Variants in CLIC4 observed in about 807,000 individuals in gnomAD.
The protein encoded by CLIC4 is chloride intracellular channel protein 4.
A neutral mutation model predicts 24.6 loss-of-function variants in CLIC4; 13 were observed. That is an observed-to-expected ratio of 0.53 (90% confidence interval 0.34 to 0.84). The LOEUF (loss-of-function observed/expected upper bound fraction) is 0.84. Among genes scored for constraint, CLIC4 ranks in the 40% least tolerant of loss-of-function variants. CLIC4 has a pLI of 0.01. For missense variants in CLIC4, 227 were observed against 301.7 expected (o/e 0.75, Z 1.83); for synonymous variants, 104 against 111.3 (o/e 0.93, Z 0.41).
chr1:24,766,483 T>G (rs868313965), intron 1 of CLIC4, among the ~76,000 whole-genome samples: 5 of 14,608 alleles, frequency 3.4e-4, no homozygotes, highest in African/African-American at 1.1e-3. Flanking sequence ...GTTTTTTTTT[T>G]TTTTTTTTTT....
intron 1 of CLIC4, among the ~76,000 whole-genome samples, chr1:24,763,726 A>G (rs1472932757): frequency 6.6e-6 from 1 of 151,800 alleles, no homozygotes; most frequent in Non-Finnish European, 1.5e-5. Context: ...AACCTTTCCC[A>G]TCTCTTCCAT....
intron 3 of CLIC4, among the ~76,000 whole-genome samples, chr1:24,816,234 GTTTTTTTT>G (rs71752506): frequency 1.4e-4 from 9 of 62,150 alleles, no homozygotes; most frequent in Admixed American, 1.2e-3. Flanking sequence ...GAATGTTCGT[GTTTTTTTT>G]TTTTTTTTTT....
At chr1:24,835,405 A>G (rs555305017) in intron 4 of CLIC4, among the ~76,000 whole-genome samples, 105 of 152,282 alleles carry the variant, frequency 6.9e-4, no homozygotes, top group African/African-American at 2.4e-3. Context: ...TCTACTAAAA[A>G]TACAAAAATC....
intron 1 of CLIC4, among the ~76,000 whole-genome samples, chr1:24,783,343 A>T (rs1030043733): frequency 4.6e-5 from 7 of 152,168 alleles, no homozygotes; most frequent in African/African-American, 1.7e-4. Flanking sequence ...CTGGTCCCTA[A>T]CATCACAACA....
chr1:24,767,273 T>C (rs1639013386), intron 1 of CLIC4, among the ~76,000 whole-genome samples: 1 of 152,134 alleles, frequency 6.6e-6, no homozygotes, highest in East Asian at 1.9e-4. Flanking sequence ...ACTGGGGTAA[T>C]CTTGGGCTTT....
At chr1:24,785,385 T>C (rs935002165) in intron 1 of CLIC4, among the ~76,000 whole-genome samples, 3 of 152,196 alleles carry the variant, frequency 2.0e-5, no homozygotes, top group East Asian at 3.8e-4. Flanking sequence ...GTTTCACAGA[T>C]GTTAAGTAAC....
intron 4 of CLIC4, among the ~76,000 whole-genome samples, chr1:24,827,892 G>A (rs1381388114): frequency 6.6e-6 from 1 of 152,170 alleles, no homozygotes; most frequent in African/African-American, 2.4e-5. Context: ...GGGATGTTAA[G>A]CAGAGTTCTC....
At chr1:24,776,924 C>T (rs1206852591) in intron 1 of CLIC4, among the ~76,000 whole-genome samples, 1 of 152,088 alleles carries the variant, frequency 6.6e-6, no homozygotes, top group South Asian at 2.1e-4. Flanking sequence ...AAAAAAAACC[C>T]GAAAATGCTG....
At chr1:24,835,380 T>C (rs893252725) in intron 4 of CLIC4, among the ~76,000 whole-genome samples, 5 of 152,126 alleles carry the variant, frequency 3.3e-5, no homozygotes, top group African/African-American at 1.2e-4. Flanking sequence ...CTGACCAACA[T>C]GGCATAACCC....
At chr1:24,804,433 G>A (rs142369230) in intron 2 of CLIC4, among the ~76,000 whole-genome samples, 2,022 of 120,014 alleles carry the variant, frequency 0.017, 31 homozygotes, top group Non-Finnish European at 0.024. Context: ...GGGTGGTGGG[G>A]GTGTGTGTGT....
chr1:24,840,924 G>C lies in CLIC4; in HGVS notation c.749G>C (p.Arg250Thr). 1 of 1,585,710 alleles carries C rather than the reference G, an allele frequency of 6.3e-7. No homozygotes were observed. Among genetic ancestry groups the C allele is most frequent in the Non-Finnish European group, 8.6e-7 (1 of 1,169,160 alleles). The change falls in exon 6 of 6, where the codon AGA (arginine) becomes ACA (threonine). Residue 250 changes from arginine to threonine, a missense_variant. Transcript: ENST00000374379. ...ATAGCATATAGTGATGTAGCCAAAA[G>C]ACTCACCAAGTAAAATCGCGTTTGT... ...VEIAYSDVAK[R>T]LTK
chr1:24,782,425 C>T (rs1021207697), intron 1 of CLIC4, among the ~76,000 whole-genome samples: 3 of 151,936 alleles, frequency 2.0e-5, no homozygotes, highest in Admixed American at 6.6e-5. Context: ...ATAGGTAATG[C>T]AAAGGCAGAA....
At chr1:24,816,888 A>T (rs758782994) in intron 3 of CLIC4, among the ~76,000 whole-genome samples, 4 of 152,214 alleles carry the variant, frequency 2.6e-5, no homozygotes, top group Non-Finnish European at 5.9e-5. Context: ...ATGTGCCATT[A>T]TCCAGGCTTT....
Position 24,745,493 on chromosome 1 carries a change from G to GAGCAGAAGC in CLIC4, c.-55_-47dup, listed in dbSNP as rs1042942895. ...GGAACCGGCAGCCGGAGCAGTCCCG[G>GAGCAGAAGC]AGCAGAAGCAGCAGCAGCAGCAGCA... On this transcript the variant is annotated 5_prime_UTR_variant, in exon 1 of 6. Transcript: ENST00000374379. The GAGCAGAAGC allele has an allele frequency of 5.4e-6, 8 of 1,481,838 alleles. No individual in the cohort carries two copies. Among genetic ancestry groups the GAGCAGAAGC allele is most frequent in the Non-Finnish European group, 7.3e-6 (8 of 1,094,298 alleles). 91.8% of individuals were successfully genotyped at this position (1,481,838 alleles called of 1,614,324 possible).
intron 1 of CLIC4, among the ~76,000 whole-genome samples, chr1:24,787,047 A>T (rs1167939546): frequency 6.6e-6 from 1 of 152,050 alleles, no homozygotes; most frequent in Non-Finnish European, 1.5e-5. Context: ...CAGCATCCTG[A>T]GTAGCCTGGG....
intron 1 of CLIC4, among the ~76,000 whole-genome samples, chr1:24,754,964 C>T (rs1324738358): frequency 1.3e-5 from 2 of 150,872 alleles, no homozygotes; most frequent in African/African-American, 2.4e-5. Context: ...CCCAGCTACT[C>T]GGGAGGCTGA....
At chr1:24,840,152 A>G in intron 5 of CLIC4, 111 bp downstream of exon 5, 1 of 1,013,188 alleles carries the variant, frequency 9.9e-7, no homozygotes, top group South Asian at 1.8e-5. Flanking sequence ...TAGTTGTTTA[A>G]CTCAATGCTG....
intron 1 of CLIC4, among the ~76,000 whole-genome samples, 164 bp downstream of exon 1, chr1:24,745,789 C>T (rs1234233865): frequency 4.0e-5 from 6 of 151,816 alleles, no homozygotes; most frequent in African/African-American, 9.6e-5. Flanking sequence ...CCGCCCGCGC[C>T]TTCCCGCCTC....
intron 2 of CLIC4, among the ~76,000 whole-genome samples, chr1:24,807,743 T>C (rs919453824): frequency 6.6e-6 from 1 of 152,222 alleles, no homozygotes. Context: ...AGAACTCATA[T>C]CTAACAAGAC....
Sources: allele counts gnomAD v4.1 joint callset (sites outside exome capture counted in the v4.1 genomes callset), GRCh38; gene constraint gnomAD v4.1.1; transcripts MANE v1.5; gene names NCBI Gene and HGNC (gene_info 2026-07-23, HGNC 2026-07-21).